The following TAFA2 variants were observed in gnomAD, a reference collection of about 807,000 sequenced individuals.
TAFA2 encodes chemokine-like protein TAFA-2.
TAFA2 carries 7 observed loss-of-function variants against 18.8 expected under a neutral mutation model. That is an observed-to-expected ratio of 0.37 (90% confidence interval 0.21 to 0.70). TAFA2 has a LOEUF of 0.70. Ranked by LOEUF, TAFA2 falls within the 30% of genes least tolerant of loss-of-function variation. TAFA2 has a pLI of 0.53. For synonymous variants in TAFA2, 60 were observed against 54.2 expected (o/e 1.11, Z -0.47); for missense variants, 122 against 158.1 (o/e 0.77, Z 1.23).
chr12:61,861,602 C>G (rs559255635), intron 2 of TAFA2, among the ~76,000 whole-genome samples: 17 of 152,198 alleles, frequency 1.1e-4, no homozygotes, highest in African/African-American at 4.1e-4. Flanking sequence ...CAACACTTAA[C>G]AGACACTCCC....
At chr12:61,830,745 T>A (rs900789708) in intron 2 of TAFA2, among the ~76,000 whole-genome samples, 12 of 152,060 alleles carry the variant, frequency 7.9e-5, no homozygotes, top group African/African-American at 2.9e-4. Flanking sequence ...TTTGAGTACT[T>A]GATATTGTAA....
At chr12:62,048,526 A>C (rs978838998) in intron 1 of TAFA2, among the ~76,000 whole-genome samples, 8 of 152,180 alleles carry the variant, frequency 5.3e-5, no homozygotes, top group Admixed American at 3.3e-4. Context: ...GGAATACTGG[A>C]AATTAAAATC....
At chr12:61,925,296 C>T (rs535900939) in intron 1 of TAFA2, among the ~76,000 whole-genome samples, 1 of 152,130 alleles carries the variant, frequency 6.6e-6, no homozygotes, top group Non-Finnish European at 1.5e-5. Flanking sequence ...CTTCTCAGCA[C>T]CATATAGCAC....
rs1264118608 is a variant in TAFA2, at chr12:62,243,840, G to C, written c.-130+14923C>G. On this transcript the variant is annotated intron_variant, in intron 1 of 5. Coordinates refer to the TAFA2 transcript ENST00000551619. ...CTATCACCCAGACTGAAGGGCAGTG[G>C]TAGCATCATGGCTCACTGCAGCCTT... 7.9e-5 allele frequency among the ~76,000 whole-genome samples: 12 copies of C among 152,162 alleles called. 1 individual carries two copies. The highest frequency in any genetic ancestry group is 5.2e-4 in the Admixed American group (8 of 15,274).
intron 2 of TAFA2, among the ~76,000 whole-genome samples, chr12:61,860,814 C>T (rs556394936): frequency 3.4e-4 from 51 of 152,170 alleles, no homozygotes; most frequent in South Asian, 6.2e-4. Flanking sequence ...AGTTTATATA[C>T]TCTTAACCTG....
At chr12:62,056,048 TA>T (rs1379801763) in intron 1 of TAFA2, among the ~76,000 whole-genome samples, 1 of 152,200 alleles carries the variant, frequency 6.6e-6, no homozygotes, top group Non-Finnish European at 1.5e-5. Flanking sequence ...CCACAATATC[TA>T]AAGTTCTAAC....
At chr12:62,095,636 G>T (rs962241086) in intron 1 of TAFA2, among the ~76,000 whole-genome samples, 1 of 152,028 alleles carries the variant, frequency 6.6e-6, no homozygotes, top group Non-Finnish European at 1.5e-5. Flanking sequence ...AAAGGCCCTG[G>T]TTACCTAAAG....
intron 1 of TAFA2, among the ~76,000 whole-genome samples, chr12:62,074,941 A>G (rs1882724359): frequency 6.6e-6 from 1 of 152,134 alleles, no homozygotes; most frequent in Non-Finnish European, 1.5e-5. Flanking sequence ...GCCTCAAGTG[A>G]TCTGCCTGCC....
At chr12:61,920,091 A>T (rs1054894630) in intron 1 of TAFA2, among the ~76,000 whole-genome samples, 1 of 152,234 alleles carries the variant, frequency 6.6e-6, no homozygotes, top group African/African-American at 2.4e-5. Context: ...TAAAATATTT[A>T]TAGTGTCAAT....
At chr12:61,895,183 A>T (rs1478366448) in intron 1 of TAFA2, among the ~76,000 whole-genome samples, 1 of 152,174 alleles carries the variant, frequency 6.6e-6, no homozygotes, top group Non-Finnish European at 1.5e-5. Context: ...AAGGACTATG[A>T]GGAGAGTAAG....
intron 2 of TAFA2, among the ~76,000 whole-genome samples, chr12:61,792,970 C>A (rs1484724768): frequency 1.3e-5 from 2 of 151,418 alleles, no homozygotes; most frequent in Non-Finnish European, 3.0e-5. Context: ...TTGTTTAGTG[C>A]ACAGAACATT....
intron 2 of TAFA2, among the ~76,000 whole-genome samples, chr12:61,822,798 A>G (rs542405317): frequency 1.3e-5 from 2 of 152,352 alleles, no homozygotes; most frequent in East Asian, 3.9e-4. Flanking sequence ...GTATATGCAT[A>G]ATATCACATG....
rs1263957699 is a variant in TAFA2 at position 61,944,199 on chromosome 12, T to C, written c.-1-76773A>G. On this transcript the variant is annotated intron_variant, in intron 1 of 4. Transcript: ENST00000416284. ...GGAAACTGAACAACCTGCTCCTGAATGACTACTGGGTACATAACGAAATGA... is the reference window on the plus strand; with the variant it reads ...GGAAACTGAACAACCTGCTCCTGAACGACTACTGGGTACATAACGAAATGA... Among the ~76,000 whole-genome samples the C allele has an allele frequency of 1.1e-3, 155 of 147,524 alleles. 2 individuals carry two copies. The highest frequency in any genetic ancestry group is 3.0e-3 in the African/African-American group (119 of 39,152).
intron 2 of TAFA2, among the ~76,000 whole-genome samples, chr12:61,805,682 G>T (rs1871582278): frequency 6.6e-6 from 1 of 151,976 alleles, no homozygotes; most frequent in Admixed American, 6.6e-5. Flanking sequence ...ATATATACCT[G>T]CAGAAACAGG....
chr12:62,160,756 G>A (rs1007159755), intron 1 of TAFA2, among the ~76,000 whole-genome samples: 3 of 152,006 alleles, frequency 2.0e-5, no homozygotes, highest in South Asian at 2.1e-4. Context: ...TTCCTCCCAC[G>A]TTCTATACCC....
chr12:62,087,931 T>C (rs532884821), intron 1 of TAFA2, among the ~76,000 whole-genome samples: 52 of 152,226 alleles, frequency 3.4e-4, no homozygotes, highest in African/African-American at 1.2e-3. Flanking sequence ...CTTGCTGTTT[T>C]CATTATAAAT....
rs1875551337 is a variant in TAFA2, at chr12:61,889,877, A to C, written c.-1-22451T>G. ...CTGCCTACACATAGAAAAATTATCC[A>C]CTTCCCCATCAACCACTGACTTTTT... On this transcript the variant is annotated intron_variant, in intron 1 of 4. Transcript: ENST00000416284. 2.0e-5 allele frequency among the ~76,000 whole-genome samples: 3 copies of C among 152,320 alleles called. No homozygotes were observed. In the South Asian group the frequency reaches 6.2e-4, roughly 32 times the overall value.
chr12:61,946,152 G>A lies in TAFA2; in HGVS notation c.-1-78726C>T, dbSNP rs1225170393. 1.9e-3 allele frequency among the ~76,000 whole-genome samples: 288 copies of A among 150,288 alleles called. 1 individual carries two copies. The highest frequency in any genetic ancestry group is 6.6e-3 in the African/African-American group (267 of 40,738). ...GAACAGAGCCCTCAGAAATAATGCC[G>A]CTTACCTACAACTATCTGATCTTTG... On this transcript the variant is annotated intron_variant, in intron 1 of 4. Coordinates refer to ENST00000416284, the MANE Select transcript of TAFA2 (RefSeq NM_178539.5).
At chr12:62,043,883 T>C (rs569002041) in intron 1 of TAFA2, among the ~76,000 whole-genome samples, 1 of 152,290 alleles carries the variant, frequency 6.6e-6, no homozygotes, top group South Asian at 2.1e-4. Context: ...GAAGGCTGTA[T>C]TAACAATTAT....
Sources: gnomAD v4.1 joint callset for allele counts (sites outside exome capture counted in the v4.1 genomes callset) on GRCh38, gnomAD v4.1.1 for gene constraint, MANE v1.5 for transcripts, NCBI Gene and HGNC (gene_info 2026-07-23, HGNC 2026-07-21) for gene names.